The following CDKN2B-AS1 variants were observed in gnomAD, a reference collection of about 807,000 sequenced individuals.
The protein encoded by CDKN2B-AS1 is CDKN2B and CDKN2A antisense cis and trans regulatory RNA 1.
intron 4 of CDKN2B-AS1, among the ~76,000 whole-genome samples, chr9:22,108,454 C>A (rs181488538): frequency 6.6e-6 from 1 of 152,206 alleles, no homozygotes; most frequent in South Asian, 2.1e-4. Flanking sequence ...TAAATGGTTA[C>A]GACTCTGCCT....
intron 4 of CDKN2B-AS1, among the ~76,000 whole-genome samples, chr9:22,073,024 C>T (rs998164929): frequency 1.3e-5 from 2 of 152,168 alleles, no homozygotes; most frequent in African/African-American, 4.8e-5. Context: ...GTTAATATTA[C>T]AGACCATTCC....
At chr9:22,098,580 A>T (rs192708233) in intron 4 of CDKN2B-AS1, among the ~76,000 whole-genome samples, 96 of 152,328 alleles carry the variant, frequency 6.3e-4, no homozygotes, top group African/African-American at 2.1e-3. Context: ...ATAGCACAGG[A>T]TGTTCCAGTC....
At chr9:22,102,063 T>C (rs1018745957) in intron 4 of CDKN2B-AS1, among the ~76,000 whole-genome samples, 1 of 152,190 alleles carries the variant, frequency 6.6e-6, no homozygotes, top group Non-Finnish European at 1.5e-5. Context: ...TGTTTGGTTT[T>C]TAAACCAACA....
chr9:22,118,612 T>C (rs1478896185), intron 4 of CDKN2B-AS1: 6 of 152,240 alleles, frequency 3.9e-5, no homozygotes, highest in Admixed American at 1.3e-4. Flanking sequence ...CACAGGCTGA[T>C]GGTTTTCCCT....
At chr9:22,007,668 C>T (rs1445266926) in intron 1 of CDKN2B-AS1, among the ~76,000 whole-genome samples, 1 of 151,956 alleles carries the variant, frequency 6.6e-6, no homozygotes, top group Non-Finnish European at 1.5e-5. Context: ...ATGTTCATTT[C>T]ATCTCTTAAA....
At chr9:22,091,143 G>A (rs1825068535) in intron 4 of CDKN2B-AS1, among the ~76,000 whole-genome samples, 1 of 152,116 alleles carries the variant, frequency 6.6e-6, no homozygotes, top group Admixed American at 6.5e-5. Flanking sequence ...TTGTAGATAT[G>A]TGGCATTATT....
At chr9:22,118,528 G>T (rs1284508582) in intron 4 of CDKN2B-AS1, 1 of 152,160 alleles carries the variant, frequency 6.6e-6, no homozygotes, top group Non-Finnish European at 1.5e-5. Flanking sequence ...TAACTTTATG[G>T]AGAGAGAAGA....
intron 4 of CDKN2B-AS1, among the ~76,000 whole-genome samples, chr9:22,109,755 A>G (rs1187571248): frequency 1.3e-5 from 2 of 152,112 alleles, no homozygotes; most frequent in Non-Finnish European, 2.9e-5. Context: ...CAAAAGTATT[A>G]CCCAAATAGT....
At chr9:22,052,824 T>A (rs866778699) in intron 3 of CDKN2B-AS1, among the ~76,000 whole-genome samples, 4 of 152,326 alleles carry the variant, frequency 2.6e-5, no homozygotes, top group South Asian at 2.1e-4. Flanking sequence ...GGGTTCCCCC[T>A]CCCAGGTTCT....
intron 4 of CDKN2B-AS1, among the ~76,000 whole-genome samples, chr9:22,115,422 C>T (rs1480936485): frequency 6.6e-6 from 1 of 152,138 alleles, no homozygotes; most frequent in Non-Finnish European, 1.5e-5. Context: ...TCTCCCCTCT[C>T]AGAAGCGAGG....
At chr9:22,127,794 C>T (rs1818039020) in exon 5 of CDKN2B-AS1, among the ~76,000 whole-genome samples, 1 of 152,194 alleles carries the variant, frequency 6.6e-6, no homozygotes, top group Admixed American at 6.5e-5. Flanking sequence ...GTAGAACTCA[C>T]TTCAGACTGA....
At chr9:22,042,457 G>A (rs552020183) in intron 1 of CDKN2B-AS1, among the ~76,000 whole-genome samples, 1 of 151,994 alleles carries the variant, frequency 6.6e-6, no homozygotes, top group Non-Finnish European at 1.5e-5. Context: ...CTTAAAAGAG[G>A]ATGGCATAGA....
chr9:22,053,017 T>C (rs1274180660), intron 3 of CDKN2B-AS1, among the ~76,000 whole-genome samples: 1 of 152,214 alleles, frequency 6.6e-6, no homozygotes, highest in Non-Finnish European at 1.5e-5. Flanking sequence ...GAGAAAATGT[T>C]AGAGGAAGAG....
intron 4 of CDKN2B-AS1, among the ~76,000 whole-genome samples, chr9:22,064,369 C>A (rs1823949644): frequency 6.6e-6 from 1 of 152,040 alleles, no homozygotes; most frequent in Non-Finnish European, 1.5e-5. Flanking sequence ...AAATACACAG[C>A]ATAGTGTGGG....
intron 3 of CDKN2B-AS1, among the ~76,000 whole-genome samples, chr9:22,050,835 C>T (rs1186133559): frequency 6.6e-6 from 1 of 152,180 alleles, no homozygotes; most frequent in Admixed American, 6.5e-5. Flanking sequence ...TATCACCCTT[C>T]AAATAGTTCA....
intron 4 of CDKN2B-AS1, among the ~76,000 whole-genome samples, chr9:22,114,441 A>G (rs969417683): frequency 6.6e-5 from 10 of 152,218 alleles, no homozygotes; most frequent in African/African-American, 2.2e-4. Flanking sequence ...GAAAATGGAG[A>G]GGTACATAGA....
chr9:22,014,777 A>T (rs1188413965), intron 1 of CDKN2B-AS1, among the ~76,000 whole-genome samples: 4 of 108,786 alleles, frequency 3.7e-5, no homozygotes, highest in African/African-American at 1.3e-4. Context: ...ACCCCACAAC[A>T]GTCCCCAGAG....
chr9:22,101,207 A>C (rs1406742706), intron 4 of CDKN2B-AS1, among the ~76,000 whole-genome samples: 1 of 152,196 alleles, frequency 6.6e-6, no homozygotes, highest in African/African-American at 2.4e-5. Flanking sequence ...ATCAATTATA[A>C]ATATTAATTA....
At position 21,997,433 on chromosome 9, in the gene CDKN2B-AS1, CATTAT is replaced by C. The variant is rs1820736438; in HGVS notation, n.29+2275_29+2279del. ...GTGTATACAATTTTATATATACGTACATTATATGTCTACACACACATATGTGGGGG... is the reference window on the plus strand; with the variant it reads ...GTGTATACAATTTTATATATACGTACATGTCTACACACACATATGTGGGGG... On this transcript the variant is annotated intron_variant and non_coding_transcript_variant, in intron 1 of 4. Transcript: ENST00000650946. This position sits in a 1 kb window ranked among gnomAD's most constrained non-coding sequence, Gnocchi z 4.8. 6.6e-6 allele frequency among the ~76,000 whole-genome samples: 1 copy of C among 150,672 alleles called. No homozygotes were observed. Among genetic ancestry groups the C allele is most frequent in the African/African-American group, 2.4e-5 (1 of 40,868 alleles).
Sources: allele counts gnomAD v4.1 joint callset (sites outside exome capture counted in the v4.1 genomes callset), GRCh38; gene constraint gnomAD v4.1.1; non-coding constraint Gnocchi (gnomAD v3.1); transcripts MANE v1.5; gene names NCBI Gene and HGNC (gene_info 2026-07-23, HGNC 2026-07-21).